GPD1: variants seen among roughly 807,000 people sequenced by gnomAD.
GPD1 encodes glycerol-3-phosphate dehydrogenase [NAD(+)], cytoplasmic.
In GPD1, 19 loss-of-function variants were observed where a neutral mutation model predicts 34.4. That is an observed-to-expected ratio of 0.55 (90% confidence interval 0.39 to 0.81). The LOEUF (loss-of-function observed/expected upper bound fraction) is 0.81. Among genes scored for constraint, GPD1 ranks in the 30% least tolerant of loss-of-function variants. GPD1 has a pLI of 0.00. For synonymous variants in GPD1, 172 were observed against 174.1 expected, an observed-to-expected ratio of 0.99 and a Z score of 0.09; for missense variants, 429 against 447.0, an observed-to-expected ratio of 0.96 and a Z score of 0.36.
rs539015915 is a variant in GPD1, at chr12:50,104,724, G to A, written c.192G>A (p.Leu64=). The change falls in exon 2 of 8, where the codon CTG becomes CTA. Residue 64 remains leucine (L), a synonymous_variant. Coordinates refer to ENST00000301149, the MANE Select transcript of GPD1 (RefSeq NM_005276.4). Reference sequence around the variant, plus strand: ...CGCAGCATGAGAATGTCAAATACCTGCCAGGGCACAAGTTGCCCCCAAATG... The same window carrying A: ...CGCAGCATGAGAATGTCAAATACCTACCAGGGCACAAGTTGCCCCCAAATG... ...INTQHENVKY[L]PGHKLPPNVV... 6 of 1,614,008 alleles carry A rather than the reference G, an allele frequency of 3.7e-6. No individual in the cohort carries two copies. The South Asian group carries it at 6.6e-5, about 18-fold the overall frequency.
chr12:50,104,206 TCTTC>T, intron 1 of GPD1, 115 bp downstream of exon 1: 13 of 988,998 alleles, frequency 1.3e-5, no homozygotes, highest in Non-Finnish European at 1.8e-5. Flanking sequence ...CCTGCTGCTA[TCTTC>T]TATCATAGCA....
chr12:50,109,775 T>A lies in GPD1; in HGVS notation c.*256T>A. The A allele has an allele frequency of 2.1e-6, 1 of 466,588 alleles. No individual in the cohort carries two copies. The allele number at this position is 466,588 out of a possible 1,614,324, so 28.9% of individuals were successfully genotyped here. A position where few individuals can be genotyped will look rare whatever the true frequency, so the allele number is the denominator to read the frequency against. On this transcript the variant is annotated 3_prime_UTR_variant, in exon 8 of 8. Coordinates refer to ENST00000301149, the MANE Select transcript of GPD1 (RefSeq NM_005276.4). ...CTCTCCAGATGTGGGGCTTTCTCCA[T>A]ATCCTCTGGGAGGGGTGGAATCAAG...
Position 50,106,308 on chromosome 12 carries a change from T to A in GPD1, c.381T>A (p.Asn127Lys). The A allele has an allele frequency of 6.2e-7, 1 of 1,612,380 alleles. No homozygotes were observed. The highest frequency in any genetic ancestry group is 8.5e-7 in the Non-Finnish European group (1 of 1,179,414). The stretch of plus-strand genomic sequence containing the variant: ...CTCAGGGGGTAGACGAGGGCCCCAA[T>A]GGGCTGAAGCTCATCTCGGAAGTGA... ...SLIKGVDEGP[N>K]GLKLISEVIG... Residue 127 changes from asparagine to lysine, a missense_variant, in exon 4 of 8, where the codon AAT becomes AAA. Transcript: ENST00000301149.
intron 2 of GPD1, chr12:50,105,222 A>C (rs1950969837): frequency 2.9e-6 from 1 of 341,118 alleles, no homozygotes; most frequent in Non-Finnish European, 5.4e-6. Context: ...TGGGTGATGA[A>C]ATCTTATTTG....
At chr12:50,104,145 G>A (rs1565746213) in intron 1 of GPD1, 54 bp downstream of exon 1, 2 of 1,540,124 alleles carry the variant, frequency 1.3e-6, no homozygotes, top group Non-Finnish European at 1.8e-6. Flanking sequence ...CAAGACAGAG[G>A]TGGGTAGGAG....
intron 3 of GPD1, 155 bp from the exon 4 acceptor site, chr12:50,106,133 G>T: frequency 1.5e-6 from 1 of 658,222 alleles, no homozygotes. Flanking sequence ...ATGCTGTCTG[G>T]CCTCCTCACA....
Position 50,106,354 on chromosome 12 carries a change from C to T in GPD1, c.427C>T (p.Pro143Ser). The change falls in exon 4 of 8, where the codon CCC becomes TCC. Residue 143 changes from proline (P) to serine (S), a missense_variant. By Grantham distance (74) the Pro-to-Ser change is moderately conservative. Coordinates refer to ENST00000301149, the MANE Select transcript of GPD1 (RefSeq NM_005276.4). ...SEVIGERLGI[P>S]MSVLMGANIA... ...AGTGATTGGGGAGCGCCTCGGCATCCCCATGAGTGTGCTGATGGGGGCCAA... is the reference window on the plus strand; with the variant it reads ...AGTGATTGGGGAGCGCCTCGGCATCTCCATGAGTGTGCTGATGGGGGCCAA... 1 of 1,613,596 alleles carries T rather than the reference C, an allele frequency of 6.2e-7. No individual in the cohort carries two copies. The highest frequency in any genetic ancestry group is 8.5e-7 in the Non-Finnish European group (1 of 1,179,798).
rs777315870 is a variant in GPD1 at position 50,108,116 on chromosome 12, G to C, written c.939G>C (p.Lys313Asn). The stretch of plus-strand genomic sequence containing the variant: ...AGCTATACAGCATCCTCCAGCACAA[G>C]GGCCTGGTAGACAAGTAAGTATTGG... ...ARELYSILQH[K>N]GLVDKFPLFM... is the part of the protein sequence containing the mutation. The change falls in exon 7 of 8, where the codon AAG (lysine) becomes AAC (asparagine). Residue 313 changes from lysine (K) to asparagine (N), a missense_variant. Physicochemically the swap from Lys to Asn is moderately conservative, Grantham distance 94. Coordinates refer to ENST00000301149, the MANE Select transcript of GPD1 (RefSeq NM_005276.4). 1.3e-6 allele frequency: 2 copies of C among 1,599,958 alleles called. No homozygotes were observed. Among genetic ancestry groups the C allele is most frequent in the South Asian group, 1.1e-5 (1 of 90,330 alleles).
Position 50,106,817 on chromosome 12 carries a change from C to T in GPD1, c.512C>T (p.Pro171Leu), listed in dbSNP as rs200991139. ...CTCCTCACTTTAGGCTGCAAGGACC[C>T]GGCCCAGGGACAACTCCTGAAAGAG... is the stretch of plus-strand genomic sequence containing the variant. The part of the protein sequence containing the change: ...FCETTIGCKD[P>L]AQGQLLKELM... Residue 171 changes from proline to leucine, a missense_variant, in exon 5 of 8, where the codon CCG becomes CTG. Transcript: ENST00000301149. 89 of 1,600,066 alleles carry T rather than the reference C, an allele frequency of 5.6e-5. No individual in the cohort carries two copies. The highest frequency in any genetic ancestry group is 6.6e-5 in the Non-Finnish European group (77 of 1,170,300).
Position 50,109,625 on chromosome 12 carries a change from C to T in GPD1, c.*106C>T. ...CTCCAGGACTCCCAGGGAGCAGAGTCTTCTCATCTTTTCACTGGAGGACAG... is the reference window on the plus strand; with the variant it reads ...CTCCAGGACTCCCAGGGAGCAGAGTTTTCTCATCTTTTCACTGGAGGACAG... On this transcript the variant is annotated 3_prime_UTR_variant, in exon 8 of 8. Transcript: ENST00000301149. 1.5e-6 allele frequency: 1 copy of T among 676,344 alleles called. No individual in the cohort carries two copies. The highest frequency in any genetic ancestry group is 2.7e-6 in the Non-Finnish European group (1 of 368,530). The allele number at this position is 676,344 out of a possible 1,614,324, so 41.9% of individuals were successfully genotyped here.
chr12:50,107,504 G>A (rs771423879), intron 5 of GPD1, 63 bp from the exon 6 acceptor site: 2 of 1,194,624 alleles, frequency 1.7e-6, no homozygotes, highest in South Asian at 2.4e-5. Flanking sequence ...TGAGTATGAG[G>A]GGGCTCCACA....
At chr12:50,107,453 A>G (rs749507573) in intron 5 of GPD1, 114 bp from the exon 6 acceptor site, 1 of 866,806 alleles carries the variant, frequency 1.2e-6, no homozygotes, top group Non-Finnish European at 2.0e-6. Flanking sequence ...AAGGCCACAC[A>G]CTATACCTCT....
chr12:50,105,734 G>A (rs1364233073), intron 3 of GPD1, 46 bp downstream of exon 3: 1 of 1,596,180 alleles, frequency 6.3e-7, no homozygotes, highest in Non-Finnish European at 8.6e-7. Context: ...GCGGCTCACT[G>A]TTGTGGGGTT....
intron 5 of GPD1, 26 bp downstream of exon 5, chr12:50,106,943 G>C: frequency 7.1e-7 from 1 of 1,410,678 alleles, no homozygotes; most frequent in South Asian, 1.2e-5. Flanking sequence ...AGGCAGCTAT[G>C]GGGTGAGGAG....
In GPD1 at chr12:50,105,643, C is replaced by G. The variant is rs772126813; in HGVS notation, c.315C>G (p.Leu105=). 37 of 1,614,052 alleles carry G rather than the reference C, an allele frequency of 2.3e-5. No individual in the cohort carries two copies. Among genetic ancestry groups the G allele is most frequent in the Admixed American group, 2.2e-4 (13 of 60,012 alleles). Residue 105 remains leucine (L), a synonymous_variant, in exon 3 of 8, where the codon CTC becomes CTG. Coordinates refer to ENST00000301149, the MANE Select transcript of GPD1 (RefSeq NM_005276.4). ...HQFIGKICDQ[L]KGHLKANATG... ...TCATCGGCAAGATCTGTGACCAGCT[C>G]AAGGGCCATCTGAAGGCAAACGCCA...
At position 50,108,082 on chromosome 12, in the gene GPD1, C is replaced by T. The variant is rs1289976927; in HGVS notation, c.905C>T (p.Thr302Ile). ...LNGQKLQGPE[T>I]ARELYSILQH... ...GGGCAGAAACTGCAGGGGCCCGAGA[C>T]AGCCCGGGAGCTATACAGCATCCTC... The change falls in exon 7 of 8, where the codon ACA (threonine) becomes ATA (isoleucine). Residue 302 changes from threonine (T) to isoleucine (I), a missense_variant. Thr to Ile is a moderately conservative substitution (Grantham distance 89, BLOSUM62 -1). Coordinates refer to ENST00000301149, the MANE Select transcript of GPD1 (RefSeq NM_005276.4). 1 of 1,613,152 alleles carries T rather than the reference C, an allele frequency of 6.2e-7. No individual in the cohort carries two copies.
chr12:50,107,982 C>T, intron 6 of GPD1, 42 bp from the exon 7 acceptor site: 3 of 1,333,086 alleles, frequency 2.3e-6, no homozygotes, highest in Non-Finnish European at 3.2e-6. Context: ...ACTGACAACC[C>T]TTCTCTCCCA....
intron 2 of GPD1, among the ~76,000 whole-genome samples, chr12:50,104,955 G>A (rs1950968285): frequency 6.6e-6 from 1 of 152,234 alleles, no homozygotes; most frequent in African/African-American, 2.4e-5. Context: ...CAGGCGGGTG[G>A]GTGGGGAAGG....
rs776991404 is a variant in GPD1 at position 50,108,128 on chromosome 12, CAAGT to C, written c.953+4_953+7del. 6 of 1,572,846 alleles carry C rather than the reference CAAGT, an allele frequency of 3.8e-6. No individual in the cohort carries two copies. The highest frequency in any genetic ancestry group is 3.4e-5 in the Admixed American group (2 of 59,444). On this transcript the variant is annotated splice_donor_variant and coding_sequence_variant, in exon 7 of 8. Coordinates refer to ENST00000301149, the MANE Select transcript of GPD1 (RefSeq NM_005276.4). LOFTEE classifies it high-confidence loss of function. Reference sequence around the variant, plus strand: ...TCCTCCAGCACAAGGGCCTGGTAGACAAGTAAGTATTGGCCACAGCCCCACTGAT... The same window carrying C: ...TCCTCCAGCACAAGGGCCTGGTAGACAAGTATTGGCCACAGCCCCACTGAT...
Sources: gnomAD v4.1 joint callset for allele counts (sites outside exome capture counted in the v4.1 genomes callset) on GRCh38, gnomAD v4.1.1 for gene constraint, MANE v1.5 for transcripts, NCBI Gene and HGNC (gene_info 2026-07-23, HGNC 2026-07-21) for gene names.